TAF1A: variants seen among roughly 807,000 people sequenced by gnomAD.
TAF1A encodes the protein TATA box-binding protein-associated factor RNA polymerase I subunit A.
In TAF1A, 42 loss-of-function variants were observed where a neutral mutation model predicts 61.6. That is an observed-to-expected ratio of 0.68 (90% CI 0.53 to 0.88). The LOEUF (loss-of-function observed/expected upper bound fraction) is 0.88, where lower values mean the gene tolerates loss of function less well. Among genes scored for constraint, TAF1A ranks in the 40% least tolerant of loss-of-function variants. The pLI is 0.00. For synonymous variants in TAF1A, 179 were observed against 177.7 expected (o/e 1.01, Z -0.06); for missense variants, 424 against 518.7 (o/e 0.82, Z 1.77).
intron 5 of TAF1A, among the ~76,000 whole-genome samples, chr1:222,575,738 C>T (rs557129869): frequency 6.6e-6 from 1 of 152,244 alleles, no homozygotes; most frequent in East Asian, 1.9e-4. Context: ...TAAATAGACA[C>T]TTGAGGTGAA....
intron 5 of TAF1A, 104 bp from the exon 6 acceptor site, chr1:222,570,769 G>C: frequency 2.8e-6 from 3 of 1,058,664 alleles, no homozygotes; most frequent in Non-Finnish European, 4.0e-6. Context: ...GTTGCTGATA[G>C]CTACAACAGT....
chr1:222,584,328 T>A, intron 2 of TAF1A, 31 bp from the exon 3 acceptor site: 1 of 1,553,528 alleles, frequency 6.4e-7, no homozygotes. Context: ...AGAGTTTTTA[T>A]CCAAGTGGCT....
intron 5 of TAF1A, among the ~76,000 whole-genome samples, 159 bp downstream of exon 5, chr1:222,577,286 T>C (rs189331078): frequency 4.6e-5 from 7 of 152,330 alleles, no homozygotes; most frequent in Admixed American, 4.6e-4. Flanking sequence ...GCTTTTTATA[T>C]ATCAGAAATA....
downstream of TAF1A, among the ~76,000 whole-genome samples, chr1:222,555,188 G>T (rs1659712165): frequency 6.6e-6 from 1 of 152,112 alleles, no homozygotes; most frequent in Admixed American, 6.5e-5. Context: ...TGCTGCTGTT[G>T]GGGATGTAAA....
intron 7 of TAF1A, among the ~76,000 whole-genome samples, chr1:222,566,166 C>G (rs1660109648): frequency 6.6e-6 from 1 of 152,094 alleles, no homozygotes; most frequent in South Asian, 2.1e-4. Context: ...GGGCAGAGGA[C>G]TTGAATAGAC....
chr1:222,563,652 T>C (rs1660001117), intron 8 of TAF1A, among the ~76,000 whole-genome samples: 1 of 152,218 alleles, frequency 6.6e-6, no homozygotes, highest in African/African-American at 2.4e-5. Flanking sequence ...TAGGACCAGC[T>C]TGGGCTTAGC....
downstream of TAF1A, among the ~76,000 whole-genome samples, chr1:222,554,214 T>C (rs11485178): frequency 0.21 from 32,188 of 152,172 alleles, 4,435 homozygotes; most frequent in African/African-American, 0.4. Context: ...ATCTGGGAGT[T>C]CTTGGTATAG....
intron 2 of TAF1A, among the ~76,000 whole-genome samples, chr1:222,585,526 T>C (rs969491676): frequency 6.6e-6 from 1 of 150,920 alleles, no homozygotes; most frequent in African/African-American, 2.4e-5. Context: ...CAGCTCACCA[T>C]AGCCTAGACC....
intron 3 of TAF1A, among the ~76,000 whole-genome samples, chr1:222,583,301 G>GA (rs935523895): frequency 1.3e-5 from 2 of 151,266 alleles, no homozygotes; most frequent in Non-Finnish European, 2.9e-5. Context: ...TTTCATGGGA[G>GA]AAAAAAAAGG....
At chr1:222,563,983 G>T in intron 8 of TAF1A, 76 bp downstream of exon 8, 3 of 862,934 alleles carry the variant, frequency 3.5e-6, no homozygotes, top group South Asian at 1.5e-5. Context: ...GGATTTAGCC[G>T]ATGGGCTAAA....
chr1:222,565,470 A>C (rs2102643166), intron 7 of TAF1A, among the ~76,000 whole-genome samples: 1 of 152,344 alleles, frequency 6.6e-6, no homozygotes, highest in South Asian at 2.1e-4. Flanking sequence ...TATAAATATG[A>C]GATAAGTATT....
chr1:222,555,171 G>A (rs190588603), downstream of TAF1A, among the ~76,000 whole-genome samples: 96 of 152,280 alleles, frequency 6.3e-4, 2 homozygotes, highest in South Asian at 0.018. Context: ...AAGAGGAAGC[G>A]CTTGTATGCT....
rs181231044 is a variant in TAF1A, at chr1:222,570,388, A to G, written c.735+147T>C. 52 of 780,340 alleles carry G rather than the reference A, an allele frequency of 6.7e-5. No individual in the cohort carries two copies. In the African/African-American group the frequency reaches 6.8e-4, roughly 10 times the overall value. The allele number at this position is 780,340 out of a possible 1,614,324, so 48.3% of individuals were successfully genotyped here. ...TACAGTGGTGAAAATAAACAAATTC[A>G]GACCAAAAAAGAGACACCGTATTTT... On this transcript the variant is annotated intron_variant, in intron 6 of 10. Transcript: ENST00000352967.
intron 10 of TAF1A, among the ~76,000 whole-genome samples, chr1:222,559,091 C>T (rs917452855): frequency 6.6e-6 from 1 of 152,210 alleles, no homozygotes; most frequent in African/African-American, 2.4e-5. Context: ...GTTTTCTACT[C>T]TTCCTCCTAC....
At chr1:222,569,428 T>C in intron 7 of TAF1A, 82 bp downstream of exon 7, 2 of 1,610,960 alleles carry the variant, frequency 1.2e-6, no homozygotes, top group South Asian at 1.1e-5. Flanking sequence ...GTAGATGCTA[T>C]AAAAGTTAGA....
chr1:222,560,219 GA>G (rs1659859435), intron 10 of TAF1A, among the ~76,000 whole-genome samples: 1 of 152,158 alleles, frequency 6.6e-6, no homozygotes, highest in Non-Finnish European at 1.5e-5. Context: ...AGAGCAAGAA[GA>G]AAACCCAGCT....
intron 2 of TAF1A, among the ~76,000 whole-genome samples, chr1:222,586,095 C>T (rs921144191): frequency 6.6e-6 from 1 of 152,130 alleles, no homozygotes; most frequent in South Asian, 2.1e-4. Flanking sequence ...AATGTACATA[C>T]AAATCACCTG....
At chr1:222,563,331 GT>G in intron 8 of TAF1A, 35 bp from the exon 9 acceptor site, 1 of 1,598,826 alleles carries the variant, frequency 6.3e-7, no homozygotes, top group East Asian at 2.2e-5. Context: ...TTTACATAAG[GT>G]ATTAAAGTGT....
Position 222,558,756 on chromosome 1 carries a change from C to A in TAF1A, c.1257G>T (p.Arg419=). 2.6e-6 allele frequency: 4 copies of A among 1,526,572 alleles called. No individual in the cohort carries two copies. The highest frequency in any genetic ancestry group is 3.5e-6 in the Non-Finnish European group (4 of 1,129,104). The allele number at this position is 1,526,572 out of a possible 1,614,324, so 94.6% of individuals were successfully genotyped here. Reference sequence around the variant, plus strand: ...TTTGGTGATCTTGCTTTAAAATATACCGGAAATATCTACAACCTAAAAAGT... The same window carrying A: ...TTTGGTGATCTTGCTTTAAAATATAACGGAAATATCTACAACCTAAAAAGT... ...LLLGKGCRYF[R]YILKQDHQIL... The change falls in exon 11 of 11, where the codon CGG becomes CGT. Residue 419 remains arginine, a synonymous_variant. Coordinates refer to ENST00000352967, the MANE Select transcript of TAF1A (RefSeq NM_005681.4).
Sources: allele counts gnomAD v4.1 joint callset (sites outside exome capture counted in the v4.1 genomes callset), GRCh38; gene constraint gnomAD v4.1.1; transcripts MANE v1.5; gene names NCBI Gene and HGNC (gene_info 2026-07-23, HGNC 2026-07-21).